SUSD4: variants seen among roughly 807,000 people sequenced by gnomAD.
SUSD4 encodes the protein sushi domain containing 4.
SUSD4 carries 41 observed loss-of-function variants against 50.5 expected under a neutral mutation model. The observed-to-expected ratio is 0.81, with a 90% confidence interval of 0.63 to 1.05. SUSD4 has a LOEUF of 1.05. Ranked by LOEUF, SUSD4 falls within the 50% of genes least tolerant of loss-of-function variation. SUSD4 has a pLI of 0.00. For synonymous variants in SUSD4, 257 were observed against 257.3 expected (o/e 1.00, Z 0.01); for missense variants, 580 against 634.7 (o/e 0.91, Z 0.93).
At chr1:223,293,234 A>G (rs1664610543) in intron 2 of SUSD4, among the ~76,000 whole-genome samples, 1 of 152,138 alleles carries the variant, frequency 6.6e-6, no homozygotes, top group African/African-American at 2.4e-5. Context: ...CCCTACCCCT[A>G]TCTGCCAGGG....
chr1:223,226,756 T>A (rs1482038488), intron 7 of SUSD4, among the ~76,000 whole-genome samples: 1 of 152,214 alleles, frequency 6.6e-6, no homozygotes, highest in Non-Finnish European at 1.5e-5. Flanking sequence ...GAGAAGACTC[T>A]GACATGGCCA....
intron 2 of SUSD4, among the ~76,000 whole-genome samples, chr1:223,329,528 C>A (rs1406519435): frequency 2.0e-5 from 3 of 152,144 alleles, no homozygotes; most frequent in Non-Finnish European, 4.4e-5. Context: ...ATTTTATAGT[C>A]ATTTGTGTTC....
chr1:223,324,098 A>C (rs1472556535), intron 2 of SUSD4, among the ~76,000 whole-genome samples: 1 of 149,638 alleles, frequency 6.7e-6, no homozygotes, highest in South Asian at 2.2e-4. Context: ...ACTGCAATGC[A>C]TAAGTTTCAA....
intron 4 of SUSD4, among the ~76,000 whole-genome samples, chr1:223,267,220 G>T (rs1433431980): frequency 3.9e-5 from 6 of 152,064 alleles, no homozygotes; most frequent in Non-Finnish European, 8.8e-5. Flanking sequence ...ACCAACACAG[G>T]GTATTTCTTT....
chr1:223,245,852 A>G (rs1660890090), intron 5 of SUSD4, among the ~76,000 whole-genome samples: 1 of 152,214 alleles, frequency 6.6e-6, no homozygotes, highest in East Asian at 1.9e-4. Flanking sequence ...AAAAAGAAGG[A>G]TAACTCCCAG....
intron 2 of SUSD4, among the ~76,000 whole-genome samples, chr1:223,349,503 C>T (rs1377023839): frequency 6.6e-6 from 1 of 152,168 alleles, no homozygotes; most frequent in Non-Finnish European, 1.5e-5. Context: ...GGAAATTCTG[C>T]AAATTTGAGC....
chr1:223,358,204 C>T (rs1273282678), intron 2 of SUSD4, among the ~76,000 whole-genome samples: 1 of 152,178 alleles, frequency 6.6e-6, no homozygotes, highest in Non-Finnish European at 1.5e-5. Flanking sequence ...ACTGTATCCC[C>T]TTAACTGTGT....
chr1:223,226,707 A>G (rs1008921267), intron 7 of SUSD4, among the ~76,000 whole-genome samples: 1 of 152,198 alleles, frequency 6.6e-6, no homozygotes. Flanking sequence ...CTGTGGGCAA[A>G]AAACAAATGC....
chr1:223,326,365 G>T (rs1285365378), intron 2 of SUSD4, among the ~76,000 whole-genome samples: 1 of 151,944 alleles, frequency 6.6e-6, no homozygotes, highest in African/African-American at 2.4e-5. Flanking sequence ...ATGGATGAAA[G>T]ATTTAAAGAC....
intron 5 of SUSD4, chr1:223,263,759 C>T (rs1662286830): frequency 1.0e-6 from 1 of 985,350 alleles, no homozygotes; most frequent in Non-Finnish European, 1.2e-6. Context: ...CAGAGGTGCA[C>T]ACTTGTAGAG....
rs555372101 is a variant in SUSD4, at chr1:223,294,464, G to T, written c.149-1813C>A. ...CCCCAGCTTTTATGTGCTTGTGTAGGATTCACTGGCTTCCCTCCCCACCTG... is the reference window on the plus strand; with the variant it reads ...CCCCAGCTTTTATGTGCTTGTGTAGTATTCACTGGCTTCCCTCCCCACCTG... On this transcript the variant is annotated intron_variant, in intron 2 of 8. Coordinates refer to ENST00000366878, the MANE Select transcript of SUSD4 (RefSeq NM_017982.4). Among the ~76,000 whole-genome samples the T allele has an allele frequency of 2.7e-4, 40 of 150,848 alleles. No individual in the cohort carries two copies. The East Asian group carries it at 4.4e-3, about 17-fold the overall frequency.
At chr1:223,348,153 A>G (rs1208822950) in intron 2 of SUSD4, among the ~76,000 whole-genome samples, 1 of 152,226 alleles carries the variant, frequency 6.6e-6, no homozygotes. Context: ...CGTTTAGAAC[A>G]CTAGAAGCAG....
chr1:223,268,522 T>A lies in SUSD4; in HGVS notation c.515A>T (p.Asn172Ile). 1.2e-6 allele frequency: 2 copies of A among 1,613,836 alleles called. No homozygotes were observed. Among genetic ancestry groups the A allele is most frequent in the Non-Finnish European group, 1.7e-6 (2 of 1,179,862 alleles). ...CGTACCTTGACAGATGGGCAGATTA[T>A]TCCACGTTCCATCATCGCGACATAA... ...VSLCRDDGTW[N>I]NLPICQGCLR... Residue 172 changes from asparagine (N) to isoleucine (I), a missense_variant, in exon 4 of 9, where the codon AAT (asparagine) becomes ATT (isoleucine). Asn to Ile is a moderately radical substitution (Grantham distance 149). Coordinates refer to ENST00000366878, the MANE Select transcript of SUSD4 (RefSeq NM_017982.4).
intron 3 of SUSD4, among the ~76,000 whole-genome samples, chr1:223,286,757 G>A (rs888359779): frequency 2.0e-5 from 3 of 152,236 alleles, no homozygotes; most frequent in Non-Finnish European, 2.9e-5. Context: ...TCGAGTGAGT[G>A]CCTGGGGCTG....
intron 5 of SUSD4, among the ~76,000 whole-genome samples, chr1:223,247,939 TG>T (rs1661049981): frequency 6.6e-6 from 1 of 152,228 alleles, no homozygotes; most frequent in African/African-American, 2.4e-5. Flanking sequence ...TCATGGTATC[TG>T]GTCTGGGTCT....
intron 5 of SUSD4, among the ~76,000 whole-genome samples, chr1:223,234,248 G>A (rs571644343): frequency 2.2e-4 from 34 of 152,164 alleles, no homozygotes; most frequent in South Asian, 6.2e-4. Flanking sequence ...CCCCAAATAA[G>A]CCTTCCCTCA....
chr1:223,221,911 C>T lies in SUSD4; in HGVS notation c.*281G>A. On this transcript the variant is annotated 3_prime_UTR_variant, in exon 9 of 9. Transcript: ENST00000366878. Reference sequence around the variant, plus strand: ...CGTGGAATTGTCCCATGTTCCACAGCACGATACACATTTAACACCCCTCAT... The same window carrying T: ...CGTGGAATTGTCCCATGTTCCACAGTACGATACACATTTAACACCCCTCAT... 1 of 389,744 alleles carries T rather than the reference C, an allele frequency of 2.6e-6. No homozygotes were observed. The highest frequency in any genetic ancestry group is 6.9e-5 in the South Asian group (1 of 14,584). The allele number at this position is 389,744 out of a possible 1,614,324, so 24.1% of individuals were successfully genotyped here.
intron 2 of SUSD4, among the ~76,000 whole-genome samples, chr1:223,340,394 C>A (rs1458800891): frequency 6.6e-6 from 1 of 152,176 alleles, no homozygotes; most frequent in Non-Finnish European, 1.5e-5. Context: ...CCCAGTGAGA[C>A]CTCTGCTTGG....
intron 7 of SUSD4, among the ~76,000 whole-genome samples, chr1:223,224,861 CCTTTT>C (rs1261935069): frequency 2.6e-5 from 3 of 113,720 alleles, no homozygotes; most frequent in Admixed American, 1.1e-4. Flanking sequence ...TTGGTTTCTT[CCTTTT>C]TTTTTTTTTT....
Sources: allele counts gnomAD v4.1 joint callset (sites outside exome capture counted in the v4.1 genomes callset), GRCh38; gene constraint gnomAD v4.1.1; transcripts MANE v1.5; gene names NCBI Gene and HGNC (gene_info 2026-07-23, HGNC 2026-07-21).